MTHFD2L: variants seen among roughly 807,000 people sequenced by gnomAD.
MTHFD2L encodes the protein methylenetetrahydrofolate dehydrogenase (NADP+ dependent) 2 like.
Under a neutral mutation model 34.9 loss-of-function variants are expected in MTHFD2L, and 29 were observed. The ratio of observed to expected loss-of-function variants is 0.83; its 90% CI spans 0.62 to 1.13. MTHFD2L has a LOEUF of 1.13. Among genes scored for constraint, MTHFD2L ranks in the 50% most tolerant of loss-of-function variants. The pLI is 0.00. For synonymous variants in MTHFD2L, 167 were observed against 155.7 expected (o/e 1.07, Z -0.54); for missense variants, 481 against 446.5 (o/e 1.08, Z -0.70).
At chr4:74,277,244 T>C (rs2110263797) in intron 6 of MTHFD2L, among the ~76,000 whole-genome samples, 1 of 151,820 alleles carries the variant, frequency 6.6e-6, no homozygotes, top group East Asian at 1.9e-4. Flanking sequence ...AGGAAACTGC[T>C]GAGGGCGAAT....
chr4:74,131,647 C>A (rs1216923832), intron 1 of MTHFD2L, among the ~76,000 whole-genome samples: 1 of 152,142 alleles, frequency 6.6e-6, no homozygotes, highest in Admixed American at 6.6e-5. Flanking sequence ...AAAACCTAGG[C>A]AGTACCATTC....
intron 1 of MTHFD2L, 25 bp from the exon 2 acceptor site, chr4:74,174,481 G>T: frequency 7.2e-7 from 1 of 1,395,738 alleles, no homozygotes; most frequent in Non-Finnish European, 9.4e-7. Context: ...TTTCTTTTTA[G>T]TATTTATTGT....
At chr4:74,149,461 G>A (rs778503794) in intron 1 of MTHFD2L, among the ~76,000 whole-genome samples, 2 of 146,898 alleles carry the variant, frequency 1.4e-5, no homozygotes, top group Non-Finnish European at 3.1e-5. Flanking sequence ...TTGGAAACAC[G>A]GAGTAAAAGG....
intron 7 of MTHFD2L, among the ~76,000 whole-genome samples, chr4:74,301,448 C>G (rs1380225382): frequency 4.6e-5 from 7 of 151,832 alleles, no homozygotes; most frequent in Admixed American, 2.0e-4. Context: ...CTGCATGGAG[C>G]TTGAACCTAG....
intron 6 of MTHFD2L, among the ~76,000 whole-genome samples, chr4:74,276,114 A>C (rs956859011): frequency 2.0e-5 from 3 of 152,180 alleles, no homozygotes; most frequent in African/African-American, 4.8e-5. Context: ...ATGAAAGTTT[A>C]GGATTGGTGG....
intron 3 of MTHFD2L, among the ~76,000 whole-genome samples, chr4:74,185,151 C>CAA (rs1169021073): frequency 0.025 from 397 of 15,930 alleles, 61 homozygotes; most frequent in African/African-American, 0.07. Context: ...GACTCCATCT[C>CAA]AAAAAAAAAA....
At chr4:74,222,214 A>T (rs1578520101) in intron 5 of MTHFD2L, among the ~76,000 whole-genome samples, 2 of 152,180 alleles carry the variant, frequency 1.3e-5, no homozygotes, top group Middle Eastern at 3.4e-3. Flanking sequence ...AAGACCATTT[A>T]CATTTGTCTG....
Position 74,174,697 on chromosome 4 carries a change from G to GTGTGTTT in MTHFD2L, c.328+9_328+15dup, listed in dbSNP as rs1183922745. 3.4e-6 allele frequency: 5 copies of GTGTGTTT among 1,457,036 alleles called. No individual in the cohort carries two copies. The highest frequency in any genetic ancestry group is 4.5e-6 in the Non-Finnish European group (5 of 1,099,860). The allele number at this position is 1,457,036 out of a possible 1,614,324, so 90.3% of individuals were successfully genotyped here. A position where few individuals can be genotyped will look rare whatever the true frequency, so the allele number is the denominator to read the frequency against. ...AGAGCTGCCTCTGCTGTAGGTGGGT[G>GTGTGTTT]TGTGTTTTAGTTGTAATTACTACTA... On this transcript the variant is annotated splice_region_variant and intron_variant, in intron 2 of 7. Coordinates refer to ENST00000325278, the MANE Select transcript of MTHFD2L (RefSeq NM_001144978.3).
chr4:74,179,608 TCTTA>T (rs1729728752), intron 3 of MTHFD2L, among the ~76,000 whole-genome samples: 1 of 151,988 alleles, frequency 6.6e-6, no homozygotes, highest in Non-Finnish European at 1.5e-5. Context: ...CTTTGATGAG[TCTTA>T]CTTTCCTCAT....
chr4:74,269,750 T>C (rs1745724795), intron 6 of MTHFD2L, among the ~76,000 whole-genome samples: 1 of 152,110 alleles, frequency 6.6e-6, no homozygotes, highest in South Asian at 2.1e-4. Context: ...ACCAGTATGA[T>C]ATGAGTAGAA....
At chr4:74,226,203 C>T (rs898952447) in intron 6 of MTHFD2L, among the ~76,000 whole-genome samples, 1 of 151,964 alleles carries the variant, frequency 6.6e-6, no homozygotes, top group Non-Finnish European at 1.5e-5. Flanking sequence ...AAAAAAAATC[C>T]CCTTTCAACA....
At chr4:74,167,148 G>GC (rs1252399599) in intron 1 of MTHFD2L, among the ~76,000 whole-genome samples, 4 of 152,320 alleles carry the variant, frequency 2.6e-5, no homozygotes, top group Middle Eastern at 3.4e-3. Context: ...CACCGGATTA[G>GC]CCCCCTGTGA....
chr4:74,294,233 T>C (rs192815021), intron 7 of MTHFD2L, among the ~76,000 whole-genome samples: 5 of 152,242 alleles, frequency 3.3e-5, no homozygotes, highest in East Asian at 1.9e-4. Context: ...TTCCAAAATA[T>C]ACTAGCAAAA....
chr4:74,130,327 G>A lies in MTHFD2L; in HGVS notation c.-297+4810G>A, dbSNP rs1447493222. On this transcript the variant is annotated intron_variant, in intron 1 of 7. Coordinates refer to the MTHFD2L transcript ENST00000433372. ...CAATATCCCTGATGAACATTGATGC[G>A]AAAATCCTCCATAAAATACTGGCAA... Among the ~76,000 whole-genome samples, 11 of 152,086 alleles carry A rather than the reference G, an allele frequency of 7.2e-5. No individual in the cohort carries two copies. The South Asian group carries it at 1.0e-3, about 14-fold the overall frequency.
chr4:74,190,529 C>G (rs995466013), intron 3 of MTHFD2L: 1 of 985,248 alleles, frequency 1.0e-6, no homozygotes, highest in Non-Finnish European at 1.2e-6. Context: ...TCCTTCCAGT[C>G]TACCTCCAAG....
intron 1 of MTHFD2L, among the ~76,000 whole-genome samples, chr4:74,127,965 T>C (rs958380670): frequency 6.6e-6 from 1 of 152,142 alleles, no homozygotes; most frequent in Non-Finnish European, 1.5e-5. Context: ...TGATATCTCA[T>C]TGTGGTTTGG....
chr4:74,134,195 G>T (rs1311153363), intron 1 of MTHFD2L, among the ~76,000 whole-genome samples: 1 of 152,144 alleles, frequency 6.6e-6, no homozygotes, highest in African/African-American at 2.4e-5. Flanking sequence ...GTCTGTGAAG[G>T]CTGGCAAAGA....
intron 1 of MTHFD2L, among the ~76,000 whole-genome samples, chr4:74,131,261 G>A (rs1251986693): frequency 1.3e-5 from 2 of 152,154 alleles, no homozygotes; most frequent in Non-Finnish European, 2.9e-5. Context: ...AAACAAAAAA[G>A]AGCCCATATA....
In MTHFD2L at chr4:74,150,881, T is replaced by C. The variant is rs142572715; in HGVS notation, c.-296-9174T>C. Among the ~76,000 whole-genome samples, 530 of 151,958 alleles carry C rather than the reference T, an allele frequency of 3.5e-3. 4 individuals carry two copies. The highest frequency in any genetic ancestry group is 0.012 in the African/African-American group (508 of 41,474). On this transcript the variant is annotated intron_variant, in intron 1 of 7. Transcript: ENST00000433372. ...CAATTACCATGGAAAACAAGAAGGC[T>C]TAACAAAATAAAGAAGGCCATTATA...
Sources: allele counts gnomAD v4.1 joint callset (sites outside exome capture counted in the v4.1 genomes callset), GRCh38; gene constraint gnomAD v4.1.1; transcripts MANE v1.5; gene names NCBI Gene and HGNC (gene_info 2026-07-23, HGNC 2026-07-21).